SOCS2: variants seen among roughly 807,000 people sequenced by gnomAD.
SOCS2 encodes the protein suppressor of cytokine signaling 2.
In SOCS2, 10 loss-of-function variants were observed where a neutral mutation model predicts 18.6. The observed-to-expected ratio is 0.54, with a 90% CI of 0.33 to 0.91. The LOEUF (loss-of-function observed/expected upper bound fraction) is 0.91, where lower values mean the gene tolerates loss of function less well. SOCS2 is among the 40% of genes least tolerant of loss of function. The pLI, the probability that SOCS2 is intolerant of heterozygous loss-of-function variation, is 0.02. For synonymous variants in SOCS2, 104 were observed against 104.0 expected (o/e 1.00, Z 0.00); for missense variants, 231 against 247.2 (o/e 0.93, Z 0.44).
the SOCS2 span, among the ~76,000 whole-genome samples, chr12:93,610,897 T>A: frequency 1.3e-5 from 2 of 152,202 alleles, no homozygotes; most frequent in Middle Eastern, 3.2e-3. Context: ...GGTGTTTTTT[T>A]AATAGCAATA....
the SOCS2 span, among the ~76,000 whole-genome samples, chr12:93,618,559 T>G: frequency 6.6e-6 from 1 of 152,126 alleles, no homozygotes; most frequent in Non-Finnish European, 1.5e-5. Context: ...CCTCTTTTCA[T>G]TCTCCCAACA....
downstream of SOCS2, among the ~76,000 whole-genome samples, chr12:93,587,679 TAAAAAAA>T (rs1015520754): frequency 5.3e-5 from 5 of 93,780 alleles, no homozygotes; most frequent in African/African-American, 1.1e-4. Flanking sequence ...AGACTCTGTC[TAAAAAAA>T]AAAAAAAAAA....
chr12:93,603,713 T>A, the SOCS2 span, among the ~76,000 whole-genome samples: 1 of 152,196 alleles, frequency 6.6e-6, no homozygotes, highest in Non-Finnish European at 1.5e-5. Context: ...CAGTGCAGTA[T>A]TATTTGGGGT....
At chr12:93,605,709 G>A in the SOCS2 span, among the ~76,000 whole-genome samples, 1 of 152,174 alleles carries the variant, frequency 6.6e-6, no homozygotes, top group Non-Finnish European at 1.5e-5. Context: ...AGGTAATGGG[G>A]AAAAAACAAA....
At chr12:93,571,890 G>A (rs746559231), upstream of SOCS2, 57 of 433,542 alleles carry the variant, frequency 1.3e-4, no homozygotes, top group South Asian at 9.1e-4. Flanking sequence ...CGGAGGCGGC[G>A]GCGGCGGCCG....
chr12:93,614,502 T>C, the SOCS2 span, among the ~76,000 whole-genome samples: 1 of 60,650 alleles, frequency 1.6e-5, no homozygotes, highest in South Asian at 5.9e-4. Context: ...CTTCCTTCCT[T>C]CCTTCCTTCC....
chr12:93,571,923 G>T (rs1954270451), upstream of SOCS2: 1 of 425,292 alleles, frequency 2.4e-6, no homozygotes, highest in Admixed American at 2.5e-5. Flanking sequence ...AGGTAAGAGC[G>T]CGGCGTTGGT....
chr12:93,580,979 A>G (rs1159906027), downstream of SOCS2, among the ~76,000 whole-genome samples: 1 of 152,246 alleles, frequency 6.6e-6, no homozygotes, highest in African/African-American at 2.4e-5. Flanking sequence ...AACCACTGAC[A>G]GAAAAATCAG....
At chr12:93,620,520 A>G in the SOCS2 span, among the ~76,000 whole-genome samples, 1 of 152,116 alleles carries the variant, frequency 6.6e-6, no homozygotes, top group Non-Finnish European at 1.5e-5. Context: ...GGTTCAAGCA[A>G]TCCTCCTGCC....
the SOCS2 span, among the ~76,000 whole-genome samples, chr12:93,617,644 AT>A: frequency 6.6e-6 from 1 of 152,136 alleles, no homozygotes; most frequent in Non-Finnish European, 1.5e-5. Flanking sequence ...TACTCCACAT[AT>A]TTATATTTAC....
At chr12:93,579,967 C>A (rs1037992592), downstream of SOCS2, among the ~76,000 whole-genome samples, 1 of 152,226 alleles carries the variant, frequency 6.6e-6, no homozygotes, top group African/African-American at 2.4e-5. Context: ...CTGACTTGCC[C>A]TAGATCAGAA....
At chr12:93,619,282 C>A in the SOCS2 span, among the ~76,000 whole-genome samples, 1 of 152,168 alleles carries the variant, frequency 6.6e-6, no homozygotes, top group African/African-American at 2.4e-5. Flanking sequence ...TATTTCCTGG[C>A]CAAGCCCAAC....
At chr12:93,593,132 G>T in the SOCS2 span, among the ~76,000 whole-genome samples, 12 of 152,044 alleles carry the variant, frequency 7.9e-5, no homozygotes, top group African/African-American at 2.9e-4. Flanking sequence ...CAGATTGGGT[G>T]GCCAGTTCTA....
chr12:93,580,618 C>CA (rs35305411), downstream of SOCS2, among the ~76,000 whole-genome samples: 11,061 of 72,720 alleles, frequency 0.15, 686 homozygotes, highest in East Asian at 0.18. Context: ...GAGACTGTCT[C>CA]AAAAAAAAAA....
Position 93,573,026 on chromosome 12 carries a change from C to G in SOCS2, c.129C>G (p.Leu43=), listed in dbSNP as rs1592824804. The part of the protein sequence containing the change: ...AARLAKALRE[L]GQTGWYWGSM... Reference sequence around the variant, plus strand: ...GTCTGGCGAAGGCCCTGCGGGAGCTCGGTCAGACAGGTAGGGAGCCGATCG... The same window carrying G: ...GTCTGGCGAAGGCCCTGCGGGAGCTGGGTCAGACAGGTAGGGAGCCGATCG... The change falls in exon 1 of 2, where the codon CTC becomes CTG. Residue 43 remains leucine (L), a synonymous_variant. Transcript: ENST00000551556. 2.6e-6 allele frequency: 4 copies of G among 1,566,020 alleles called. No individual in the cohort carries two copies. Among genetic ancestry groups the G allele is most frequent in the Non-Finnish European group, 1.7e-6 (2 of 1,160,098 alleles).
chr12:93,599,809 T>C, the SOCS2 span, among the ~76,000 whole-genome samples: 1 of 152,200 alleles, frequency 6.6e-6, no homozygotes, highest in Non-Finnish European at 1.5e-5. Context: ...CCTTCTACTG[T>C]AAGATGATGT....
the SOCS2 span, among the ~76,000 whole-genome samples, chr12:93,602,898 T>C: frequency 6.6e-6 from 1 of 152,152 alleles, no homozygotes; most frequent in South Asian, 2.1e-4. Context: ...CTGGGTCCTT[T>C]CCATCTTTGT....
intron 1 of SOCS2, chr12:93,574,172 T>C (rs938290671): frequency 6.7e-6 from 1 of 150,030 alleles, no homozygotes; most frequent in Non-Finnish European, 1.5e-5. Context: ...GCTTTCTACA[T>C]AGAAGGCTGT....
the SOCS2 span, among the ~76,000 whole-genome samples, chr12:93,607,348 T>C: frequency 2.0e-5 from 3 of 151,994 alleles, no homozygotes; most frequent in Non-Finnish European, 2.9e-5. Context: ...GATAAGGGAG[T>C]GATCCCTTTT....
Sources: gnomAD v4.1 joint callset for allele counts (sites outside exome capture counted in the v4.1 genomes callset) on GRCh38, gnomAD v4.1.1 for gene constraint, MANE v1.5 for transcripts, NCBI Gene and HGNC (gene_info 2026-07-23, HGNC 2026-07-21) for gene names.